The following NCAN variants were observed in gnomAD, a reference collection of about 807,000 sequenced individuals.
NCAN encodes the protein neurocan, also known as neurocan core protein.
In NCAN, 47 loss-of-function variants were observed where a neutral mutation model predicts 121.8. The ratio of observed to expected loss-of-function variants is 0.39; its 90% CI spans 0.31 to 0.49. The LOEUF is 0.49. NCAN is among the 20% of genes least tolerant of loss of function. The pLI is 0.92. For missense variants in NCAN, 1,517 were observed against 1,773.4 expected, an observed-to-expected ratio of 0.86 and a Z score of 2.60; for synonymous variants, 633 against 702.0, an observed-to-expected ratio of 0.90 and a Z score of 1.55.
Position 19,242,461 on chromosome 19 carries a change from G to A in NCAN, c.3492+1776G>A, listed in dbSNP as rs182235102. Among the ~76,000 whole-genome samples the A allele has an allele frequency of 5.9e-3, 897 of 152,122 alleles. 4 individuals carry two copies. Among genetic ancestry groups the A allele is most frequent in the Middle Eastern group, 0.048 (14 of 294 alleles). ...TCCCAGCACTTTGGGAGGTCGAGGC[G>A]AGTGGATCACCTGAGGTCGGGAGTT... On this transcript the variant is annotated intron_variant, in intron 12 of 14. Coordinates refer to ENST00000252575, the MANE Select transcript of NCAN (RefSeq NM_004386.3).
chr19:19,227,306 A>G lies in NCAN; in HGVS notation c.1686A>G (p.Pro562=), dbSNP rs140529255. The G allele has an allele frequency of 1.3e-6, 2 of 1,585,010 alleles. No homozygotes were observed. The highest frequency in any genetic ancestry group is 1.4e-5 in the African/African-American group (1 of 74,072). Residue 562 remains proline, a synonymous_variant, in exon 8 of 15, where the codon CCA becomes CCG. Coordinates refer to ENST00000252575, the MANE Select transcript of NCAN (RefSeq NM_004386.3). The surrounding 1 kb of genome is among the most constrained non-coding windows in gnomAD (Gnocchi z 4.2). ...GAGSAGGKSS[P]EPWLWPPTMV... ...GTTCTGCTGGTGGCAAGAGCTCCCC[A>G]GAGCCCTGGCTGTGGCCCCCTACCA...
chr19:19,215,956 G>A (rs150737183), intron 1 of NCAN, among the ~76,000 whole-genome samples: 284 of 152,294 alleles, frequency 1.9e-3, no homozygotes, highest in African/African-American at 6.3e-3. Context: ...CATTTTATAT[G>A]TATTGACTCA....
intron 3 of NCAN, among the ~76,000 whole-genome samples, chr19:19,220,674 G>A (rs2060813492): frequency 6.6e-6 from 1 of 151,982 alleles, no homozygotes; most frequent in Admixed American, 6.6e-5. Flanking sequence ...AGCCAGGATG[G>A]TCTTGATCTC....
rs1393428590 is a variant in NCAN, at chr19:19,251,829, T to G, written c.*1918T>G. Reference sequence around the variant, plus strand: ...TCTTACTTTGATAACTCTTCTTAGTTTAAAATAATAATAATAACACATCTT... The same window carrying G: ...TCTTACTTTGATAACTCTTCTTAGTGTAAAATAATAATAATAACACATCTT... On this transcript the variant is annotated 3_prime_UTR_variant, in exon 15 of 15. Transcript: ENST00000252575. 2 of 151,772 alleles carry G rather than the reference T, an allele frequency of 1.3e-5. No homozygotes were observed. Among genetic ancestry groups the G allele is most frequent in the Non-Finnish European group, 2.9e-5 (2 of 67,962 alleles). 9.4% of individuals were successfully genotyped at this position (151,772 alleles called of 1,614,324 possible).
chr19:19,235,497 C>T (rs187719202), intron 10 of NCAN, among the ~76,000 whole-genome samples: 2 of 151,378 alleles, frequency 1.3e-5, no homozygotes, highest in East Asian at 2.0e-4. Flanking sequence ...GTCTTGAACT[C>T]CTGACCTCAG....
Position 19,228,089 on chromosome 19 carries a change from A to G in NCAN, c.2469A>G (p.Gly823=). The change falls in exon 8 of 15, where the codon GGA becomes GGG. Residue 823 remains glycine, a synonymous_variant. Coordinates refer to ENST00000252575, the MANE Select transcript of NCAN (RefSeq NM_004386.3). ...NLEPWVATDE[G]PTVNPMDSTV... ...AGCCTTGGGTTGCTACAGATGAAGG[A>G]CCCACTGTGAATCCCATGGATTCCA... 3 of 1,613,498 alleles carry G rather than the reference A, an allele frequency of 1.9e-6. No individual in the cohort carries two copies. Among genetic ancestry groups the G allele is most frequent in the Non-Finnish European group, 2.5e-6 (3 of 1,179,988 alleles).
At chr19:19,246,754 C>G (rs2060925954) in intron 13 of NCAN, among the ~76,000 whole-genome samples, 1 of 151,982 alleles carries the variant, frequency 6.6e-6, no homozygotes, top group Non-Finnish European at 1.5e-5. Context: ...GTTGACCAGG[C>G]TGGTCTCAAA....
At chr19:19,224,678 C>A (rs573241004) in intron 5 of NCAN, among the ~76,000 whole-genome samples, 2 of 151,596 alleles carry the variant, frequency 1.3e-5, no homozygotes, top group African/African-American at 2.4e-5. Context: ...CCCCTGCCTG[C>A]CTCCCTGTCC....
At chr19:19,226,309 G>A (rs1296156190) in intron 6 of NCAN, among the ~76,000 whole-genome samples, 177 bp from the exon 7 acceptor site, 1 of 152,086 alleles carries the variant, frequency 6.6e-6, no homozygotes, top group Non-Finnish European at 1.5e-5. Flanking sequence ...CTGAACAGTG[G>A]AGGTGAAAAT....
intron 2 of NCAN, among the ~76,000 whole-genome samples, chr19:19,218,055 G>T (rs181120089): frequency 3.2e-4 from 49 of 151,818 alleles, no homozygotes; most frequent in African/African-American, 1.1e-3. Flanking sequence ...AAGGTAGGTG[G>T]ATCAGTTGAG....
Position 19,233,834 on chromosome 19 carries a change from C to T in NCAN, c.3065C>T (p.Thr1022Ile), listed in dbSNP as rs1568599778. ...AACAACCCTTGTCTTCATGGAGGGACATGTAATGCCAATGGCACCATGTAT... is the reference window on the plus strand; with the variant it reads ...AACAACCCTTGTCTTCATGGAGGGATATGTAATGCCAATGGCACCATGTAT... ...CENNPCLHGG[T>I]CNANGTMYGC... Residue 1022 changes from threonine (T) to isoleucine (I), a missense_variant, in exon 9 of 15, where the codon ACA (threonine) becomes ATA (isoleucine). Thr to Ile is a moderately conservative substitution (Grantham distance 89). Transcript: ENST00000252575. The T allele has an allele frequency of 6.2e-7, 1 of 1,614,056 alleles. No individual in the cohort carries two copies. The highest frequency in any genetic ancestry group is 8.5e-7 in the Non-Finnish European group (1 of 1,179,938).
chr19:19,245,591 C>A, intron 13 of NCAN, 134 bp downstream of exon 13: 1 of 1,006,842 alleles, frequency 9.9e-7, no homozygotes. Context: ...CATCCTCCTG[C>A]CTCAGCTTCC....
intron 13 of NCAN, among the ~76,000 whole-genome samples, chr19:19,247,618 C>T (rs567455828): frequency 3.3e-5 from 5 of 152,148 alleles, no homozygotes; most frequent in South Asian, 2.1e-4. Flanking sequence ...CTCAAACTCC[C>T]GGACTGAAGC....
At position 19,219,041 on chromosome 19, in the gene NCAN, C is replaced by A; in HGVS notation, c.200C>A (p.Pro67Gln). 6.2e-7 allele frequency: 1 copy of A among 1,612,040 alleles called. No homozygotes were observed. The highest frequency in any genetic ancestry group is 8.5e-7 in the Non-Finnish European group (1 of 1,178,906). The stretch of plus-strand genomic sequence containing the variant: ...TGTCTCTTTACCCTGCAGCCACGGC[C>A]AAGCGCAGCCCGAGATGCCCCTCGG... ...LPCLFTLQPR[P>Q]SAARDAPRIK... Residue 67 changes from proline (P) to glutamine (Q), a missense_variant, in exon 3 of 15, where the codon CCA becomes CAA. Pro to Gln is a moderately conservative substitution (Grantham distance 76). Coordinates refer to ENST00000252575, the MANE Select transcript of NCAN (RefSeq NM_004386.3).
At position 19,248,736 on chromosome 19, in the gene NCAN, C is replaced by CA. The variant is rs769398664; in HGVS notation, c.3675dup (p.Leu1226ThrfsTer21). 4.7e-5 allele frequency: 76 copies of CA among 1,614,114 alleles called. No individual in the cohort carries two copies. The highest frequency in any genetic ancestry group is 6.2e-5 in the Non-Finnish European group (73 of 1,180,040). On this transcript the variant is annotated frameshift_variant, in exon 14 of 15. Transcript: ENST00000252575. LOFTEE classifies it high-confidence loss of function. ...CCCCCTCCGGCAGTGGAGAATGCCT[C>CA]ACTCATCGGTGCCCGCAAGGCCAAG...
Position 19,227,857 on chromosome 19 carries a change from A to G in NCAN, c.2237A>G (p.Glu746Gly), listed in dbSNP as rs971188727. The G allele has an allele frequency of 6.2e-7, 1 of 1,613,570 alleles. No individual in the cohort carries two copies. The highest frequency in any genetic ancestry group is 1.3e-5 in the African/African-American group (1 of 74,908). The change falls in exon 8 of 15, where the codon GAG becomes GGG. Residue 746 changes from glutamate to glycine, a missense_variant. Coordinates refer to ENST00000252575, the MANE Select transcript of NCAN (RefSeq NM_004386.3). The surrounding 1 kb of genome is among the most constrained non-coding windows in gnomAD (Gnocchi z 4.2). ...TTTGTCCCCACTGAGACTGCCACTG[A>G]GCCAACGGGCCTCAGGGGTATCCCG... ...VGFVPTETAT[E>G]PTGLRGIPGS...
intron 10 of NCAN, among the ~76,000 whole-genome samples, chr19:19,237,135 C>T (rs1021430659): frequency 4.0e-5 from 6 of 151,670 alleles, no homozygotes; most frequent in Non-Finnish European, 8.8e-5. Context: ...TCTTGAACTC[C>T]TGGCCTCAAG....
chr19:19,250,902 C>G lies in NCAN; in HGVS notation c.*991C>G, dbSNP rs533414694. 1 of 152,888 alleles carries G rather than the reference C, an allele frequency of 6.5e-6. No individual in the cohort carries two copies. Among genetic ancestry groups the G allele is most frequent in the East Asian group, 1.9e-4 (1 of 5,260 alleles). The allele number at this position is 152,888 out of a possible 1,614,324, so 9.5% of individuals were successfully genotyped here. A position where few individuals can be genotyped will look rare whatever the true frequency, so the allele number is the denominator to read the frequency against. On this transcript the variant is annotated 3_prime_UTR_variant, in exon 15 of 15. Transcript: ENST00000252575. The stretch of plus-strand genomic sequence containing the variant: ...CCTGGTGGTCTAGAAACACTTAAAA[C>G]TTGAAGTAGTGACACCTACCTGCGG...
chr19:19,240,067 CT>C (rs1157518348), intron 11 of NCAN, among the ~76,000 whole-genome samples: 1 of 125,364 alleles, frequency 8.0e-6, no homozygotes, highest in Non-Finnish European at 1.7e-5. Context: ...CCATTCCCCC[CT>C]CCTCCCTCCT....
Sources: allele counts gnomAD v4.1 joint callset (sites outside exome capture counted in the v4.1 genomes callset), GRCh38; gene constraint gnomAD v4.1.1; non-coding constraint Gnocchi (gnomAD v3.1); transcripts MANE v1.5; gene names NCBI Gene and HGNC (gene_info 2026-07-23, HGNC 2026-07-21).